The following NKAIN3 variants were observed in gnomAD, a reference collection of about 807,000 sequenced individuals.
The protein encoded by NKAIN3 is sodium/potassium transporting ATPase interacting 3, also known as sodium/potassium-transporting ATPase subunit beta-1-interacting protein 3.
NKAIN3 carries 25 observed loss-of-function variants against 30.2 expected under a neutral mutation model. The ratio of observed to expected loss-of-function variants is 0.83; its 90% CI spans 0.60 to 1.16. The LOEUF (loss-of-function observed/expected upper bound fraction) is 1.16. Ranked by LOEUF, NKAIN3 falls within the 50% of genes most tolerant of loss-of-function variation. The probability of loss-of-function intolerance (pLI) is 0.00; values close to 1 mark genes in which losing one functional copy is unlikely to be tolerated. For missense variants in NKAIN3, 225 were observed against 254.1 expected (o/e 0.89, Z 0.78); for synonymous variants, 91 against 89.6 (o/e 1.02, Z -0.09).
At chr8:62,331,763 C>A (rs191509684) in intron 1 of NKAIN3, among the ~76,000 whole-genome samples, 129 of 152,226 alleles carry the variant, frequency 8.5e-4, no homozygotes, top group African/African-American at 3.0e-3. Flanking sequence ...TTTATAGCTC[C>A]AGGACCAATA....
At position 62,389,035 on chromosome 8, in the gene NKAIN3, C is replaced by T. The variant is rs192537984; in HGVS notation, c.54+139908C>T. On this transcript the variant is annotated intron_variant, in intron 1 of 6. Coordinates refer to ENST00000623646, the MANE Select transcript of NKAIN3 (RefSeq NM_001304533.3). The stretch of plus-strand genomic sequence containing the variant: ...GCCCGTATTGAGCTCACCTGCTTTT[C>T]TGTGGGTAGAGAAACTGAAGGGCAG... 7.2e-5 allele frequency among the ~76,000 whole-genome samples: 11 copies of T among 152,250 alleles called. No individual in the cohort carries two copies. The East Asian group carries it at 1.9e-3, about 27-fold the overall frequency.
chr8:62,736,992 G>A (rs1224373812), intron 3 of NKAIN3, among the ~76,000 whole-genome samples: 1 of 152,174 alleles, frequency 6.6e-6, no homozygotes, highest in African/African-American at 2.4e-5. Flanking sequence ...GTGAGGATGT[G>A]TGTTTGGAGG....
chr8:62,747,154 T>C (rs1407076711), intron 4 of NKAIN3, 25 bp downstream of exon 4: 1 of 1,501,656 alleles, frequency 6.7e-7, no homozygotes, highest in South Asian at 1.2e-5. Context: ...TGTGTCATTA[T>C]CTAATCAGAA....
At chr8:62,577,432 A>G (rs1047243349) in intron 1 of NKAIN3, among the ~76,000 whole-genome samples, 1 of 150,398 alleles carries the variant, frequency 6.6e-6, no homozygotes, top group African/African-American at 2.4e-5. Flanking sequence ...TGTCATGCAC[A>G]ACTGCTTTAA....
chr8:62,326,593 G>T (rs944156010), intron 1 of NKAIN3, among the ~76,000 whole-genome samples: 1 of 151,276 alleles, frequency 6.6e-6, no homozygotes, highest in African/African-American at 2.4e-5. Flanking sequence ...GAATATAATG[G>T]GTATTTTCAA....
At chr8:62,726,747 G>A (rs989683177) in intron 3 of NKAIN3, among the ~76,000 whole-genome samples, 1 of 151,972 alleles carries the variant, frequency 6.6e-6, no homozygotes, top group African/African-American at 2.4e-5. Flanking sequence ...GCCCAGATGA[G>A]TTCACAGGTG....
At chr8:62,612,405 A>C (rs7834422) in intron 3 of NKAIN3, among the ~76,000 whole-genome samples, 73,150 of 151,708 alleles carry the variant, frequency 0.48, 20,705 homozygotes, top group African/African-American at 0.79. Flanking sequence ...GTCTTGAAAT[A>C]TATTTTGTCT....
intron 1 of NKAIN3, among the ~76,000 whole-genome samples, chr8:62,553,258 G>T (rs965199756): frequency 6.6e-6 from 1 of 151,944 alleles, no homozygotes; most frequent in Non-Finnish European, 1.5e-5. Flanking sequence ...AATCTATTAT[G>T]ATTTAAAGCA....
At chr8:62,520,191 T>C (rs2129780983) in intron 1 of NKAIN3, among the ~76,000 whole-genome samples, 1 of 152,288 alleles carries the variant, frequency 6.6e-6, no homozygotes, top group African/African-American at 2.4e-5. Flanking sequence ...CTTCTCAGCA[T>C]GACCCTGTGG....
chr8:62,270,003 C>T (rs1388353205), intron 1 of NKAIN3, among the ~76,000 whole-genome samples: 2 of 152,020 alleles, frequency 1.3e-5, no homozygotes, highest in African/African-American at 4.8e-5. Context: ...CTTAATTTAT[C>T]TTTCTTTAGC....
intron 1 of NKAIN3, among the ~76,000 whole-genome samples, chr8:62,336,958 C>A (rs1815571800): frequency 6.6e-6 from 1 of 152,072 alleles, no homozygotes; most frequent in Non-Finnish European, 1.5e-5. Flanking sequence ...TCTGCTAGTA[C>A]CTGGTCTAGA....
chr8:62,906,051 A>G (rs553638575), intron 4 of NKAIN3, among the ~76,000 whole-genome samples: 11 of 152,266 alleles, frequency 7.2e-5, no homozygotes, highest in African/African-American at 2.6e-4. Context: ...TTACTGTGAA[A>G]ACAGCACAGA....
At chr8:62,262,214 C>T (rs1812463816) in intron 1 of NKAIN3, among the ~76,000 whole-genome samples, 1 of 152,092 alleles carries the variant, frequency 6.6e-6, no homozygotes, top group South Asian at 2.1e-4. Flanking sequence ...TTTGCCATTT[C>T]TGTTGGTAGA....
At position 62,794,490 on chromosome 8, in the gene NKAIN3, C is replaced by T. The variant is rs141405648; in HGVS notation, c.471+47361C>T. On this transcript the variant is annotated intron_variant, in intron 4 of 6. Coordinates refer to ENST00000623646, the MANE Select transcript of NKAIN3 (RefSeq NM_001304533.3). ...AGCGGCTCTCTGGAAAATCTATACC[C>T]ACCCCCCCACCAAATCTACATAAAA... Among the ~76,000 whole-genome samples the T allele has an allele frequency of 5.1e-3, 769 of 152,196 alleles. 6 individuals carry two copies. Among genetic ancestry groups the T allele is most frequent in the African/African-American group, 0.017 (715 of 41,516 alleles).
chr8:62,794,926 TATCCATCC>T (rs1817815011), intron 4 of NKAIN3, among the ~76,000 whole-genome samples: 1 of 152,072 alleles, frequency 6.6e-6, no homozygotes, highest in African/African-American at 2.4e-5. Context: ...TGCCAATATT[TATCCATCC>T]ATCCATCCAT....
chr8:62,484,872 A>G (rs1196921174), intron 1 of NKAIN3, among the ~76,000 whole-genome samples: 1 of 152,156 alleles, frequency 6.6e-6, no homozygotes, highest in Non-Finnish European at 1.5e-5. Context: ...AGCAACAGCA[A>G]TGGTCCAGGG....
chr8:62,713,992 G>A (rs1052470179), intron 3 of NKAIN3, among the ~76,000 whole-genome samples: 2 of 152,068 alleles, frequency 1.3e-5, no homozygotes, highest in Non-Finnish European at 2.9e-5. Flanking sequence ...TTTCCTTAAG[G>A]ATGTAACATT....
Position 62,859,133 on chromosome 8 carries a change from C to T in NKAIN3, c.472-59320C>T, listed in dbSNP as rs1820159512. ...AAGATCTGTGGGAGAAGCGTGGTTT[C>T]CCAGGGTCGCACAATCACTCACTGC... On this transcript the variant is annotated intron_variant, in intron 4 of 6. Transcript: ENST00000623646. Among the ~76,000 whole-genome samples the T allele has an allele frequency of 1.3e-5, 2 of 152,268 alleles. 1 individual carries two copies. The highest frequency in any genetic ancestry group is 3.9e-4 in the East Asian group (2 of 5,170).
At chr8:62,303,763 G>A (rs1814132224) in intron 1 of NKAIN3, among the ~76,000 whole-genome samples, 1 of 150,498 alleles carries the variant, frequency 6.6e-6, no homozygotes, top group Non-Finnish European at 1.5e-5. Flanking sequence ...TGAAAACATT[G>A]CCTGATGCAT....
Sources: allele counts gnomAD v4.1 joint callset (sites outside exome capture counted in the v4.1 genomes callset), GRCh38; gene constraint gnomAD v4.1.1; transcripts MANE v1.5; gene names NCBI Gene and HGNC (gene_info 2026-07-23, HGNC 2026-07-21).